Variants in FUT8 observed in about 807,000 individuals in gnomAD.
FUT8 encodes fucosyltransferase 8, also known as alpha-(1,6)-fucosyltransferase.
FUT8 carries 29 observed loss-of-function variants against 71.3 expected under a neutral mutation model. The ratio of observed to expected loss-of-function variants is 0.41; its 90% CI spans 0.30 to 0.55. The LOEUF is 0.55. FUT8 is among the 20% of genes least tolerant of loss of function. The probability of loss-of-function intolerance (pLI) is 0.34; values close to 1 mark genes in which losing one functional copy is unlikely to be tolerated. For missense variants in FUT8, 544 were observed against 702.1 expected (o/e 0.77, Z 2.55); for synonymous variants, 254 against 239.3 (o/e 1.06, Z -0.57).
chr14:65,730,581 G>A (rs111237882), intron 9 of FUT8, among the ~76,000 whole-genome samples: 22 of 152,248 alleles, frequency 1.4e-4, no homozygotes, highest in African/African-American at 5.3e-4. Flanking sequence ...GCTGAGGCAG[G>A]AGATGATGTG....
chr14:65,406,524 C>A (rs550222372), upstream of FUT8, among the ~76,000 whole-genome samples: 16 of 152,254 alleles, frequency 1.1e-4, no homozygotes, highest in South Asian at 3.3e-3. Flanking sequence ...CTTTTCGTCT[C>A]TCGCTCTCTC....
intron 1 of FUT8, among the ~76,000 whole-genome samples, chr14:65,448,902 G>A (rs573026248): frequency 4.6e-5 from 7 of 151,990 alleles, no homozygotes; most frequent in Non-Finnish European, 1.0e-4. Flanking sequence ...TTTATTTTAG[G>A]TGATTTTACA....
intron 3 of FUT8, among the ~76,000 whole-genome samples, chr14:65,602,213 T>G (rs1162368111): frequency 6.7e-6 from 1 of 149,712 alleles, no homozygotes; most frequent in Non-Finnish European, 1.5e-5. Context: ...CACTTATGAG[T>G]GAGAACATAG....
intron 2 of FUT8, among the ~76,000 whole-genome samples, chr14:65,508,701 C>A (rs1304899488): frequency 4.6e-5 from 7 of 151,642 alleles, no homozygotes; most frequent in African/African-American, 1.7e-4. Context: ...GGAGTTTCAC[C>A]ATGTTGGCCA....
intron 6 of FUT8, among the ~76,000 whole-genome samples, chr14:65,651,890 C>G (rs887162138): frequency 1.3e-5 from 2 of 152,020 alleles, no homozygotes; most frequent in South Asian, 2.1e-4. Flanking sequence ...TTATGGGGAC[C>G]TCTGAGAAAA....
chr14:65,711,057 C>T (rs1440155116), intron 7 of FUT8, among the ~76,000 whole-genome samples: 1 of 152,140 alleles, frequency 6.6e-6, no homozygotes, highest in Non-Finnish European at 1.5e-5. Flanking sequence ...CCCCTATAAC[C>T]CAAACACCTC....
chr14:65,366,572 G>T, the FUT8 span, among the ~76,000 whole-genome samples: 1 of 152,110 alleles, frequency 6.6e-6, no homozygotes, highest in African/African-American at 2.4e-5. Context: ...CCCTACCACA[G>T]CTCTGTGCTT....
chr14:65,488,915 T>C (rs2066446112), intron 2 of FUT8, among the ~76,000 whole-genome samples: 2 of 151,460 alleles, frequency 1.3e-5, no homozygotes, highest in African/African-American at 4.9e-5. Context: ...CTTGTACTTT[T>C]TGAACCAACT....
chr14:65,664,114 G>C (rs926846801), intron 6 of FUT8, among the ~76,000 whole-genome samples: 1 of 151,998 alleles, frequency 6.6e-6, no homozygotes, highest in African/African-American at 2.4e-5. Flanking sequence ...GAAGATATGA[G>C]GGACATTTTC....
chr14:65,480,507 G>A (rs2139677091), intron 2 of FUT8, among the ~76,000 whole-genome samples: 1 of 151,748 alleles, frequency 6.6e-6, no homozygotes, highest in Non-Finnish European at 1.5e-5. Flanking sequence ...GTAGAGACAG[G>A]TTTCATCATG....
At chr14:65,729,346 A>G (rs960950164) in intron 9 of FUT8, among the ~76,000 whole-genome samples, 2 of 152,058 alleles carry the variant, frequency 1.3e-5, no homozygotes, top group African/African-American at 4.8e-5. Flanking sequence ...CTACATACAT[A>G]TACGCTGTAC....
intron 2 of FUT8, among the ~76,000 whole-genome samples, chr14:65,464,818 G>A (rs148549546): frequency 6.0e-4 from 91 of 152,228 alleles, no homozygotes; most frequent in Non-Finnish European, 1.1e-3. Flanking sequence ...TGTTGCCTGG[G>A]CTTATGATCG....
intron 2 of FUT8, among the ~76,000 whole-genome samples, chr14:65,476,732 C>T (rs1216285354): frequency 1.4e-5 from 2 of 144,234 alleles, no homozygotes; most frequent in African/African-American, 5.1e-5. Context: ...TCATAGCTCA[C>T]TGCAATCTCT....
At chr14:65,541,138 A>G (rs1884655820) in intron 2 of FUT8, among the ~76,000 whole-genome samples, 1 of 152,230 alleles carries the variant, frequency 6.6e-6, no homozygotes, top group South Asian at 2.1e-4. Flanking sequence ...TAAATTTGAA[A>G]AAAATGTTAG....
At chr14:65,542,476 T>C (rs1179588180) in intron 2 of FUT8, among the ~76,000 whole-genome samples, 1 of 152,212 alleles carries the variant, frequency 6.6e-6, no homozygotes, top group African/African-American at 2.4e-5. Flanking sequence ...ATTTATTTGT[T>C]TCCCTTATTT....
intron 7 of FUT8, among the ~76,000 whole-genome samples, chr14:65,706,777 CA>C (rs1462187869): frequency 6.6e-6 from 1 of 152,112 alleles, no homozygotes; most frequent in Non-Finnish European, 1.5e-5. Flanking sequence ...CTAATACCAT[CA>C]CCTTGGGAAG....
rs540437716 is a variant in FUT8, at chr14:65,523,355, G to C, written c.-227-37982G>C. On this transcript the variant is annotated intron_variant, in intron 2 of 10. Coordinates refer to ENST00000673929, the MANE Select transcript of FUT8 (RefSeq NM_001371533.1). ...ATGAGCATTTTTTCATGTGTCTGTT[G>C]GCTGCATAAATGTCTTCTTATGAGA... Among the ~76,000 whole-genome samples the C allele has an allele frequency of 2.2e-4, 34 of 152,252 alleles. No homozygotes were observed. The South Asian group carries it at 6.6e-3, about 30-fold the overall frequency.
the FUT8 span, among the ~76,000 whole-genome samples, chr14:65,375,455 C>CA: frequency 6.6e-6 from 1 of 151,996 alleles, no homozygotes; most frequent in Admixed American, 6.6e-5. Flanking sequence ...CCCATCTCTA[C>CA]AAAAAAAGTT....
intron 1 of FUT8, among the ~76,000 whole-genome samples, chr14:65,439,321 A>G (rs2065606593): frequency 1.3e-5 from 2 of 152,218 alleles, no homozygotes; most frequent in Admixed American, 6.5e-5. Flanking sequence ...TAGGAGGATC[A>G]TAGTAATAAT....
Sources: allele counts gnomAD v4.1 joint callset (sites outside exome capture counted in the v4.1 genomes callset), GRCh38; gene constraint gnomAD v4.1.1; transcripts MANE v1.5; gene names NCBI Gene and HGNC (gene_info 2026-07-23, HGNC 2026-07-21).